The following SPATA17 variants were observed in gnomAD, a reference collection of about 807,000 sequenced individuals.
SPATA17 encodes the protein spermatogenesis-associated protein 17.
In SPATA17, 53 loss-of-function variants were observed where a neutral mutation model predicts 62.2. The ratio of observed to expected loss-of-function variants is 0.85; its 90% CI spans 0.68 to 1.07. The LOEUF (loss-of-function observed/expected upper bound fraction) is 1.07. Ranked by LOEUF, SPATA17 falls within the 50% of genes least tolerant of loss-of-function variation. The probability of loss-of-function intolerance (pLI) is 0.00; values close to 1 mark genes in which losing one functional copy is unlikely to be tolerated. For missense variants in SPATA17, 466 were observed against 425.5 expected (o/e 1.10, Z -0.84); for synonymous variants, 146 against 146.8 (o/e 0.99, Z 0.04).
chr1:217,640,470 A>C (rs2102876630), intron 1 of SPATA17, among the ~76,000 whole-genome samples: 1 of 152,272 alleles, frequency 6.6e-6, no homozygotes, highest in South Asian at 2.1e-4. Flanking sequence ...TGGCAATACC[A>C]TTTTTAATAG....
intron 4 of SPATA17, among the ~76,000 whole-genome samples, chr1:217,674,631 G>T (rs1254217903): frequency 6.6e-6 from 1 of 152,192 alleles, no homozygotes; most frequent in Admixed American, 6.5e-5. Context: ...AAGCAGAGGT[G>T]CCCACAGCCC....
At chr1:217,741,571 T>C (rs1186313138) in intron 5 of SPATA17, among the ~76,000 whole-genome samples, 1 of 152,114 alleles carries the variant, frequency 6.6e-6, no homozygotes, top group Admixed American at 6.5e-5. Context: ...GTAGGCAAAA[T>C]AAATGATTAG....
At chr1:217,727,481 G>C (rs1224778804) in intron 5 of SPATA17, among the ~76,000 whole-genome samples, 1 of 151,886 alleles carries the variant, frequency 6.6e-6, no homozygotes, top group Admixed American at 6.6e-5. Context: ...TTGAAAATAA[G>C]ATTGTATGTT....
At chr1:217,740,876 C>T (rs1422560448) in intron 5 of SPATA17, among the ~76,000 whole-genome samples, 1 of 152,084 alleles carries the variant, frequency 6.6e-6, no homozygotes, top group Non-Finnish European at 1.5e-5. Flanking sequence ...TTTAATCTTA[C>T]GTTGAAAAAA....
At chr1:217,678,498 G>A (rs527564880) in intron 4 of SPATA17, among the ~76,000 whole-genome samples, 6 of 151,826 alleles carry the variant, frequency 4.0e-5, no homozygotes, top group Non-Finnish European at 8.8e-5. Flanking sequence ...ATGAGCCACC[G>A]CTCCTGGCCC....
At chr1:217,853,754 C>T (rs1183993455) in intron 9 of SPATA17, among the ~76,000 whole-genome samples, 1 of 152,174 alleles carries the variant, frequency 6.6e-6, no homozygotes, top group African/African-American at 2.4e-5. Flanking sequence ...CATTTAAAAA[C>T]ACCCTAACTG....
At chr1:217,655,376 T>C (rs1042190773) in intron 3 of SPATA17, among the ~76,000 whole-genome samples, 4 of 152,204 alleles carry the variant, frequency 2.6e-5, no homozygotes, top group African/African-American at 9.7e-5. Flanking sequence ...CATATTATGA[T>C]GCATATGTCA....
chr1:217,850,957 T>C (rs1675651476), intron 9 of SPATA17, among the ~76,000 whole-genome samples: 1 of 152,088 alleles, frequency 6.6e-6, no homozygotes, highest in African/African-American at 2.4e-5. Context: ...GTAGGGAAAT[T>C]TAATTTACGT....
intron 5 of SPATA17, among the ~76,000 whole-genome samples, chr1:217,728,616 A>T (rs2102939651): frequency 6.6e-6 from 1 of 152,260 alleles, no homozygotes; most frequent in East Asian, 1.9e-4. Flanking sequence ...TTGTTAAACT[A>T]ATTATTTTAA....
chr1:217,644,462 A>T (rs1275516931), intron 1 of SPATA17, among the ~76,000 whole-genome samples: 1 of 152,196 alleles, frequency 6.6e-6, no homozygotes, highest in African/African-American at 2.4e-5. Context: ...ATGGAATTTT[A>T]TTCCCACTGT....
intron 8 of SPATA17, among the ~76,000 whole-genome samples, chr1:217,790,601 C>A (rs564654972): frequency 6.6e-6 from 1 of 152,092 alleles, no homozygotes; most frequent in African/African-American, 2.4e-5. Flanking sequence ...CCACCGTGCC[C>A]GGCTAATTTT....
At chr1:217,818,923 A>C (rs1417788916) in intron 9 of SPATA17, among the ~76,000 whole-genome samples, 1 of 146,382 alleles carries the variant, frequency 6.8e-6, no homozygotes, top group Non-Finnish European at 1.5e-5. Context: ...TTGTATTCAA[A>C]TCTATTTCCT....
At chr1:217,651,226 T>A (rs1379791186) in intron 3 of SPATA17, 48 bp downstream of exon 3, 1 of 1,380,318 alleles carries the variant, frequency 7.2e-7, no homozygotes, top group South Asian at 1.3e-5. Flanking sequence ...TACAATATGC[T>A]GTAACTTACT....
In SPATA17 at chr1:217,734,048, T is replaced by C. The variant is rs1012327226; in HGVS notation, c.396-7927T>C. ...TAAGTTGTTTGACTGACTTAAATTTTGTTTCTAATGGGAATATTTTAGGTA... is the reference window on the plus strand; with the variant it reads ...TAAGTTGTTTGACTGACTTAAATTTCGTTTCTAATGGGAATATTTTAGGTA... On this transcript the variant is annotated intron_variant, in intron 5 of 10. Coordinates refer to ENST00000366933, the MANE Select transcript of SPATA17 (RefSeq NM_138796.4). 5.3e-5 allele frequency among the ~76,000 whole-genome samples: 8 copies of C among 152,228 alleles called. No homozygotes were observed. The East Asian group carries it at 5.8e-4, about 11-fold the overall frequency.
At chr1:217,781,588 G>C (rs144040390) in intron 7 of SPATA17, among the ~76,000 whole-genome samples, 1 of 152,018 alleles carries the variant, frequency 6.6e-6, no homozygotes, top group East Asian at 1.9e-4. Context: ...GGTTGCTATT[G>C]GTATCAGAGT....
At chr1:217,690,184 T>A (rs1166645621) in intron 5 of SPATA17, among the ~76,000 whole-genome samples, 2 of 152,160 alleles carry the variant, frequency 1.3e-5, no homozygotes, top group African/African-American at 4.8e-5. Flanking sequence ...ACTATAGGCG[T>A]GAGCCACCGG....
At position 217,742,117 on chromosome 1, in the gene SPATA17, G is replaced by T; in HGVS notation, c.519+19G>T. 1 of 1,613,522 alleles carries T rather than the reference G, an allele frequency of 6.2e-7. No homozygotes were observed. The highest frequency in any genetic ancestry group is 1.1e-5 in the South Asian group (1 of 91,024). Reference sequence around the variant, plus strand: ...AAAGCAGGTTGGTTTACCTGTCCCTGACAGCTCCTGTAAGCCACTTGGGCC... The same window carrying T: ...AAAGCAGGTTGGTTTACCTGTCCCTTACAGCTCCTGTAAGCCACTTGGGCC... On this transcript the variant is annotated intron_variant, in intron 6 of 10. Coordinates refer to ENST00000366933, the MANE Select transcript of SPATA17 (RefSeq NM_138796.4).
chr1:217,647,399 A>G (rs1348863502), intron 1 of SPATA17, among the ~76,000 whole-genome samples: 1 of 152,226 alleles, frequency 6.6e-6, no homozygotes, highest in East Asian at 1.9e-4. Flanking sequence ...TCCCTCAGGT[A>G]GCACCTTTGG....
chr1:217,752,425 G>A (rs68189740), intron 6 of SPATA17, among the ~76,000 whole-genome samples: 42,904 of 151,992 alleles, frequency 0.28, 7,331 homozygotes, highest in Non-Finnish European at 0.39. Flanking sequence ...ATATAGCATA[G>A]TGCTTTAATT....
Sources: allele counts gnomAD v4.1 joint callset (sites outside exome capture counted in the v4.1 genomes callset), GRCh38; gene constraint gnomAD v4.1.1; transcripts MANE v1.5; gene names NCBI Gene and HGNC (gene_info 2026-07-23, HGNC 2026-07-21).